Variants in AGTPBP1 observed in about 807,000 individuals in gnomAD.
AGTPBP1 encodes the protein cytosolic carboxypeptidase 1.
In AGTPBP1, 70 loss-of-function variants were observed where a neutral mutation model predicts 143.9. The ratio of observed to expected loss-of-function variants is 0.49; its 90% CI spans 0.40 to 0.59. The LOEUF is 0.59. AGTPBP1 is among the 20% of genes least tolerant of loss of function. The pLI is 0.00. For synonymous variants in AGTPBP1, 463 were observed against 500.2 expected (o/e 0.93, Z 0.99); for missense variants, 1,229 against 1,464.5 (o/e 0.84, Z 2.62).
At chr9:85,804,600 A>G in the AGTPBP1 span, among the ~76,000 whole-genome samples, 1 of 152,232 alleles carries the variant, frequency 6.6e-6, no homozygotes, top group Non-Finnish European at 1.5e-5. Flanking sequence ...TATTAGTTGA[A>G]TCAGGGGGAT....
chr9:85,597,082 G>A (rs906660329), intron 17 of AGTPBP1, among the ~76,000 whole-genome samples: 5 of 152,006 alleles, frequency 3.3e-5, no homozygotes, highest in African/African-American at 1.2e-4. Context: ...TTTTTATTGA[G>A]ATCTGGTTTG....
chr9:85,677,416 A>G lies in AGTPBP1; in HGVS notation c.436+20T>C. 7 of 1,601,896 alleles carry G rather than the reference A, an allele frequency of 4.4e-6. No homozygotes were observed. The highest frequency in any genetic ancestry group is 6.0e-6 in the Non-Finnish European group (7 of 1,174,624). ...AAAAATAGTTCTAGATACAATAATC[A>G]TACAAATGAAATCCCTTACCTTTTG... On this transcript the variant is annotated intron_variant, in intron 6 of 25. Coordinates refer to ENST00000357081, the MANE Select transcript of AGTPBP1 (RefSeq NM_001330701.2).
chr9:85,805,159 C>G, the AGTPBP1 span, among the ~76,000 whole-genome samples: 8,881 of 152,230 alleles, frequency 0.058, 843 homozygotes, highest in African/African-American at 0.2. Context: ...GGTTCTGGTC[C>G]TCTCCCCCAA....
intron 1 of AGTPBP1, among the ~76,000 whole-genome samples, chr9:85,717,013 T>C (rs1361685271): frequency 6.6e-6 from 1 of 152,222 alleles, no homozygotes; most frequent in Non-Finnish European, 1.5e-5. Context: ...GCCTGGAATG[T>C]GCTTCTGCCA....
At chr9:85,777,388 T>C in the AGTPBP1 span, among the ~76,000 whole-genome samples, 1 of 152,148 alleles carries the variant, frequency 6.6e-6, no homozygotes, top group Admixed American at 6.5e-5. Flanking sequence ...AATGGTGCCA[T>C]ATTGAGGGCT....
intron 13 of AGTPBP1, among the ~76,000 whole-genome samples, chr9:85,640,556 T>C (rs189514447): frequency 6.6e-6 from 1 of 152,374 alleles, no homozygotes; most frequent in Admixed American, 6.5e-5. Flanking sequence ...CTTTACAATC[T>C]GACCCTGGCC....
At chr9:85,570,631 T>G (rs1157165411) in intron 25 of AGTPBP1, among the ~76,000 whole-genome samples, 1 of 152,188 alleles carries the variant, frequency 6.6e-6, no homozygotes. Context: ...TACTATCGAC[T>G]CCCCTCAGGA....
rs1307212022 is a variant in AGTPBP1, at chr9:85,677,116, G to GT, written c.436+319dup. ...TCAATAGAAGGAATAACATCCAGTG[G>GT]TAACACAATAGGGCAAGTATAGCTA... On this transcript the variant is annotated intron_variant, in intron 6 of 25. Transcript: ENST00000357081. Among the ~76,000 whole-genome samples, 3 of 152,086 alleles carry GT rather than the reference G, an allele frequency of 2.0e-5. No individual in the cohort carries two copies. In the East Asian group the frequency reaches 5.8e-4, roughly 29 times the overall value.
At chr9:85,604,244 C>T (rs934577007) in intron 17 of AGTPBP1, among the ~76,000 whole-genome samples, 1 of 152,220 alleles carries the variant, frequency 6.6e-6, no homozygotes, top group African/African-American at 2.4e-5. Context: ...AATCATCTCT[C>T]CCCTAGCTCC....
At chr9:85,675,425 T>C (rs376437812) in intron 6 of AGTPBP1, among the ~76,000 whole-genome samples, 7 of 152,160 alleles carry the variant, frequency 4.6e-5, no homozygotes, top group African/African-American at 1.7e-4. Context: ...AATTTTTCTA[T>C]TTTTGTCTTC....
intron 13 of AGTPBP1, among the ~76,000 whole-genome samples, chr9:85,637,000 G>T (rs958529879): frequency 1.6e-4 from 24 of 149,668 alleles, no homozygotes; most frequent in Non-Finnish European, 7.4e-5. Context: ...TCACTGATAG[G>T]TATTTACCCA....
the AGTPBP1 span, among the ~76,000 whole-genome samples, chr9:85,785,010 A>G: frequency 7.7e-4 from 118 of 152,318 alleles, no homozygotes; most frequent in African/African-American, 2.0e-3. Context: ...AGAGCTGCCA[A>G]TGTGCAACCT....
intron 6 of AGTPBP1, among the ~76,000 whole-genome samples, chr9:85,675,935 G>A (rs143952764): frequency 6.6e-6 from 1 of 152,096 alleles, no homozygotes; most frequent in Non-Finnish European, 1.5e-5. Flanking sequence ...TGAGGCAGGA[G>A]AATCACTTGA....
chr9:85,660,818 G>A (rs1242892520), intron 9 of AGTPBP1, 118 bp downstream of exon 9: 2 of 757,288 alleles, frequency 2.6e-6, no homozygotes, highest in Non-Finnish European at 4.1e-6. Context: ...TTTGACATTA[G>A]AATATTATAA....
chr9:85,742,402 TA>T (rs1320445661), upstream of AGTPBP1, among the ~76,000 whole-genome samples: 10 of 151,808 alleles, frequency 6.6e-5, no homozygotes, highest in Non-Finnish European at 1.5e-4. Flanking sequence ...GAAGGGTTCT[TA>T]AAGCTCCCCA....
chr9:85,694,616 C>G (rs1156706649), intron 2 of AGTPBP1, among the ~76,000 whole-genome samples: 1 of 152,110 alleles, frequency 6.6e-6, no homozygotes, highest in Non-Finnish European at 1.5e-5. Flanking sequence ...CCTCCTCTTG[C>G]CCCTTCTTTG....
intron 2 of AGTPBP1, among the ~76,000 whole-genome samples, chr9:85,700,624 C>T (rs181999162): frequency 3.3e-5 from 5 of 152,288 alleles, no homozygotes; most frequent in Admixed American, 3.3e-4. Context: ...GAGATGTAGG[C>T]AGATGAGATG....
the AGTPBP1 span, among the ~76,000 whole-genome samples, chr9:85,804,043 T>C: frequency 6.6e-6 from 1 of 151,326 alleles, no homozygotes; most frequent in South Asian, 2.1e-4. Flanking sequence ...CATCATTACC[T>C]TTTACCTGGC....
At chr9:85,753,042 C>T in the AGTPBP1 span, among the ~76,000 whole-genome samples, 1 of 151,832 alleles carries the variant, frequency 6.6e-6, no homozygotes, top group Admixed American at 6.6e-5. Flanking sequence ...CAAAAAAATC[C>T]CCACATTATT....
Sources: gnomAD v4.1 joint callset for allele counts (sites outside exome capture counted in the v4.1 genomes callset) on GRCh38, gnomAD v4.1.1 for gene constraint, MANE v1.5 for transcripts, NCBI Gene and HGNC (gene_info 2026-07-23, HGNC 2026-07-21) for gene names.